The following NCOR2 variants were observed in gnomAD, a reference collection of about 807,000 sequenced individuals.
The protein encoded by NCOR2 is nuclear receptor corepressor 2.
NCOR2 carries 81 observed loss-of-function variants against 262.9 expected under a neutral mutation model. That is an observed-to-expected ratio of 0.31 (90% CI 0.26 to 0.37). The LOEUF (loss-of-function observed/expected upper bound fraction) is 0.37. NCOR2 is among the 10% of genes least tolerant of loss of function. NCOR2 has a pLI of 1.00. For missense variants in NCOR2, 3,385 were observed against 3,621.4 expected (o/e 0.93, Z 1.68); for synonymous variants, 1,659 against 1,559.3 (o/e 1.06, Z -1.51).
In NCOR2 at chr12:124,373,366, T is replaced by C. The variant is rs2939985; in HGVS notation, c.2219-756A>G. Among the ~76,000 whole-genome samples, 141 of 37,944 alleles carry C rather than the reference T, an allele frequency of 3.7e-3. 7 individuals are homozygous for C. The highest frequency in any genetic ancestry group is 0.015 in the East Asian group (38 of 2,552). 24.9% of individuals were successfully genotyped at this position (37,944 alleles called of 152,430 possible). A position where few individuals can be genotyped will look rare whatever the true frequency, so the allele number is the denominator to read the frequency against. On this transcript the variant is annotated intron_variant, in intron 19 of 46. Coordinates refer to ENST00000405201, the Ensembl canonical transcript of NCOR2. ...GGGCCCCGGGCACAGTGGACAATCA[T>C]GAGGCCAGTGCGTGTGCAGGGGCCC...
chr12:124,556,597 C>T (rs953006706), intron 1 of NCOR2, among the ~76,000 whole-genome samples: 18 of 152,290 alleles, frequency 1.2e-4, no homozygotes, highest in Admixed American at 7.8e-4. Flanking sequence ...TGGTGGCTCA[C>T]GCCTGTAATC....
At chr12:124,331,944 G>A (rs2035237079) in intron 43 of NCOR2, 1 of 235,022 alleles carries the variant, frequency 4.3e-6, no homozygotes, top group Non-Finnish European at 8.6e-6. Flanking sequence ...AGCAGAGTGG[G>A]GCGTTCATAC....
chr12:124,544,362 G>T (rs1192550503), intron 1 of NCOR2, among the ~76,000 whole-genome samples: 2 of 152,180 alleles, frequency 1.3e-5, no homozygotes, highest in Non-Finnish European at 2.9e-5. Context: ...CAGCTGAACA[G>T]AAAAACCACT....
intron 13 of NCOR2, among the ~76,000 whole-genome samples, chr12:124,404,836 G>A (rs1300643451): frequency 6.6e-6 from 1 of 152,210 alleles, no homozygotes; most frequent in African/African-American, 2.4e-5. Flanking sequence ...AACGCCACGA[G>A]TAACACCCCT....
At chr12:124,431,704 A>G (rs2043951276) in intron 8 of NCOR2, among the ~76,000 whole-genome samples, 1 of 151,576 alleles carries the variant, frequency 6.6e-6, no homozygotes. Context: ...ACAGTCACAG[A>G]CACACACAGT....
At chr12:124,388,748 C>T (rs766258401) in intron 16 of NCOR2, 2 of 1,304,234 alleles carry the variant, frequency 1.5e-6, no homozygotes, top group South Asian at 2.5e-5. Context: ...GGAAGATGCC[C>T]CAGGGAGCGG....
At chr12:124,546,261 A>G (rs571617040) in intron 1 of NCOR2, among the ~76,000 whole-genome samples, 12 of 152,378 alleles carry the variant, frequency 7.9e-5, no homozygotes, top group Non-Finnish European at 1.5e-4. Flanking sequence ...GCCTGCCTAC[A>G]GTAAGAGTGA....
Position 124,478,203 on chromosome 12 carries a change from G to C in NCOR2, c.412-5072C>G, listed in dbSNP as rs529548801. 3.9e-5 allele frequency among the ~76,000 whole-genome samples: 6 copies of C among 152,330 alleles called. No homozygotes were observed. The South Asian group carries it at 1.2e-3, about 32-fold the overall frequency. On this transcript the variant is annotated intron_variant, in intron 3 of 46. Coordinates refer to ENST00000405201, the Ensembl canonical transcript of NCOR2. ...ACCCTGTGAAAGATGGCAGAGCCAA[G>C]GGATGAAAAGGGACAGGGTCCTGAG...
At chr12:124,396,857 G>A (rs1038472566) in intron 16 of NCOR2, among the ~76,000 whole-genome samples, 8 of 152,178 alleles carry the variant, frequency 5.3e-5, no homozygotes, top group African/African-American at 1.9e-4. Flanking sequence ...AGATACACCT[G>A]CCCTTATGTG....
At chr12:124,435,814 G>A (rs1012298665) in intron 8 of NCOR2, among the ~76,000 whole-genome samples, 2 of 152,326 alleles carry the variant, frequency 1.3e-5, no homozygotes, top group East Asian at 3.9e-4. Flanking sequence ...ATGGGCTCAG[G>A]AACCAGGTGG....
chr12:124,461,806 G>A (rs1304686633), intron 5 of NCOR2, among the ~76,000 whole-genome samples: 1 of 152,222 alleles, frequency 6.6e-6, no homozygotes, highest in African/African-American at 2.4e-5. Flanking sequence ...TGCCTCACAT[G>A]TGCCAATTCG....
In NCOR2 at chr12:124,482,538, G is replaced by T. The variant is rs1047531833; in HGVS notation, c.411+1058C>A. ...TCCCACGCATGGGGCCCACAGCCGA[G>T]CCCTCTACCCACATGACCAGGTGAC... On this transcript the variant is annotated intron_variant, in intron 3 of 46. Coordinates refer to ENST00000405201, the Ensembl canonical transcript of NCOR2. The surrounding 1 kb of genome is among the most constrained non-coding windows in gnomAD (Gnocchi z 6.3). Among the ~76,000 whole-genome samples the T allele has an allele frequency of 6.6e-6, 1 of 152,196 alleles. No homozygotes were observed. Among genetic ancestry groups the T allele is most frequent in the Non-Finnish European group, 1.5e-5 (1 of 68,024 alleles).
At chr12:124,554,557 G>A (rs1435713182) in intron 1 of NCOR2, among the ~76,000 whole-genome samples, 1 of 152,210 alleles carries the variant, frequency 6.6e-6, no homozygotes, top group Non-Finnish European at 1.5e-5. Context: ...AGCACCCCCA[G>A]GCACTCCTTA....
intron 13 of NCOR2, among the ~76,000 whole-genome samples, chr12:124,417,234 C>G (rs77673393): frequency 1.1e-3 from 111 of 101,380 alleles, no homozygotes; most frequent in South Asian, 3.4e-3. Flanking sequence ...ACTCCACGGA[C>G]AGCAGGCCGG....
intron 6 of NCOR2, among the ~76,000 whole-genome samples, 171 bp from the exon 9 acceptor site, chr12:124,450,038 G>C (rs1565954441): frequency 2.0e-5 from 3 of 152,194 alleles, no homozygotes; most frequent in African/African-American, 4.8e-5. Flanking sequence ...CCCCAGCCAG[G>C]AACAGGCTGA....
intron 13 of NCOR2, among the ~76,000 whole-genome samples, chr12:124,403,165 G>A (rs368912233): frequency 1.3e-5 from 2 of 152,112 alleles, no homozygotes; most frequent in African/African-American, 2.4e-5. Context: ...CTCGGTCTCC[G>A]AGTCTGTAAA....
chr12:124,542,297 A>C (rs2051396174), intron 1 of NCOR2, among the ~76,000 whole-genome samples: 1 of 151,932 alleles, frequency 6.6e-6, no homozygotes, highest in African/African-American at 2.4e-5. Flanking sequence ...GCTCAGTATA[A>C]ATCCTCCCTC....
At chr12:124,344,155 A>C (rs1309062344) in intron 32 of NCOR2, among the ~76,000 whole-genome samples, 1 of 152,160 alleles carries the variant, frequency 6.6e-6, no homozygotes, top group Admixed American at 6.5e-5. Context: ...GGGAACAAAG[A>C]GAAAGAGGGC....
At chr12:124,462,544 G>A (rs916881043) in intron 5 of NCOR2, among the ~76,000 whole-genome samples, 2 of 152,232 alleles carry the variant, frequency 1.3e-5, no homozygotes, top group African/African-American at 2.4e-5. Context: ...CAGCCTCGCG[G>A]GGCTGAAACG....
Sources: gnomAD v4.1 joint callset for allele counts (sites outside exome capture counted in the v4.1 genomes callset) on GRCh38, gnomAD v4.1.1 for gene constraint, Gnocchi (gnomAD v3.1) non-coding constraint, MANE v1.5 for transcripts, NCBI Gene and HGNC (gene_info 2026-07-23, HGNC 2026-07-21) for gene names.